Variants in CDC40 observed in about 807,000 individuals in gnomAD.
The protein encoded by CDC40 is pre-mRNA-processing factor 17.
CDC40 carries 27 observed loss-of-function variants against 80.6 expected under a neutral mutation model. The ratio of observed to expected loss-of-function variants is 0.33; its 90% CI spans 0.25 to 0.46. The LOEUF is 0.46. CDC40 is among the 20% of genes least tolerant of loss of function. CDC40 has a pLI of 1.00. For missense variants in CDC40, 486 were observed against 694.1 expected (o/e 0.70, Z 3.37); for synonymous variants, 221 against 232.6 (o/e 0.95, Z 0.45).
intron 12 of CDC40, among the ~76,000 whole-genome samples, chr6:110,220,593 C>T (rs6917918): frequency 0.24 from 35,631 of 151,586 alleles, 5,124 homozygotes; most frequent in African/African-American, 0.4. Flanking sequence ...TACAGGCGCC[C>T]GCCACCACGC....
intron 12 of CDC40, among the ~76,000 whole-genome samples, chr6:110,220,677 C>T (rs1007321589): frequency 1.6e-3 from 250 of 152,204 alleles, no homozygotes; most frequent in African/African-American, 2.5e-3. Flanking sequence ...GATTTCCTGA[C>T]CTTATGATCC....
intron 1 of CDC40, among the ~76,000 whole-genome samples, chr6:110,189,882 C>T (rs1777321771): frequency 6.6e-6 from 1 of 152,208 alleles, no homozygotes; most frequent in Non-Finnish European, 1.5e-5. Context: ...TACACCTCTG[C>T]CTCTTGCAGC....
rs147562405 is a variant in CDC40 at position 110,183,552 on chromosome 6, G to A, written c.189+2919G>A. Among the ~76,000 whole-genome samples the A allele has an allele frequency of 1.3e-3, 197 of 152,262 alleles. 2 individuals carry two copies. The East Asian group carries it at 0.034, about 26-fold the overall frequency. On this transcript the variant is annotated intron_variant, in intron 1 of 14. Coordinates refer to ENST00000307731, the MANE Select transcript of CDC40 (RefSeq NM_015891.3). ...CCAGTGGTCTGGGTTCTATGAGAGC[G>A]TAGAGGGCATTGCTCATTGTTGGTT... is the stretch of plus-strand genomic sequence containing the variant.
chr6:110,196,224 C>A (rs1490237695), intron 2 of CDC40, among the ~76,000 whole-genome samples: 1 of 152,178 alleles, frequency 6.6e-6, no homozygotes, highest in African/African-American at 2.4e-5. Context: ...AATTGGAAGA[C>A]CAGTTTGAAG....
chr6:110,211,992 A>G, intron 6 of CDC40, 141 bp from the exon 7 acceptor site: 1 of 638,188 alleles, frequency 1.6e-6, no homozygotes, highest in East Asian at 2.7e-5. Flanking sequence ...CTGACTCATG[A>G]TCTTGACATC....
intron 2 of CDC40, among the ~76,000 whole-genome samples, chr6:110,195,751 T>C (rs1470870363): frequency 1.3e-5 from 2 of 152,094 alleles, no homozygotes; most frequent in African/African-American, 4.8e-5. Context: ...ATGAGCCGAA[T>C]CATAAAAGAT....
At position 110,212,127 on chromosome 6, in the gene CDC40, T is replaced by C; in HGVS notation, c.728-6T>C. The C allele has an allele frequency of 6.2e-7, 1 of 1,609,290 alleles. No homozygotes were observed. The highest frequency in any genetic ancestry group is 1.1e-5 in the South Asian group (1 of 90,008). On this transcript the variant is annotated splice_region_variant and splice_polypyrimidine_tract_variant and intron_variant, in intron 6 of 14. Coordinates refer to ENST00000307731, the MANE Select transcript of CDC40 (RefSeq NM_015891.3). The stretch of plus-strand genomic sequence containing the variant: ...TTTATTGATTTTCTTTGCCTTTTTG[T>C]TTCAGTTAAAGAAATGTATGACTAT...
chr6:110,219,995 C>A, intron 12 of CDC40, 126 bp downstream of exon 12: 1 of 892,430 alleles, frequency 1.1e-6, no homozygotes, highest in Non-Finnish European at 1.7e-6. Flanking sequence ...CCTGGCTTGC[C>A]AATCAAACTG....
intron 1 of CDC40, among the ~76,000 whole-genome samples, chr6:110,181,770 C>G (rs781233362): frequency 3.3e-5 from 5 of 152,164 alleles, no homozygotes; most frequent in Non-Finnish European, 5.9e-5. Context: ...TCTTGGGAAA[C>G]TACTGTCTGT....
rs188319314 is a variant in CDC40, at chr6:110,184,275, G to C, written c.189+3642G>C. ...CTATATACAGTTTAGAATTAAGTTG[G>C]AAAGTTCTGCTAATACCCAGTTGGG... On this transcript the variant is annotated intron_variant, in intron 1 of 14. Transcript: ENST00000307731. 1.8e-3 allele frequency among the ~76,000 whole-genome samples: 275 copies of C among 152,238 alleles called. 2 individuals are homozygous for C. The highest frequency in any genetic ancestry group is 6.4e-3 in the African/African-American group (266 of 41,554).
intron 2 of CDC40, among the ~76,000 whole-genome samples, chr6:110,200,843 C>T (rs1777485214): frequency 6.6e-6 from 1 of 152,284 alleles, no homozygotes; most frequent in African/African-American, 2.4e-5. Flanking sequence ...ATTCTGGAAA[C>T]TCAAAAGTAT....
chr6:110,193,306 G>A, intron 2 of CDC40, 38 bp downstream of exon 2: 1 of 1,203,258 alleles, frequency 8.3e-7, no homozygotes, highest in Non-Finnish European at 1.2e-6. Flanking sequence ...TTTTGCTAAA[G>A]AATTTAAATC....
intron 2 of CDC40, among the ~76,000 whole-genome samples, chr6:110,199,363 A>G (rs4343947): frequency 0.33 from 49,450 of 151,780 alleles, 9,838 homozygotes; most frequent in Non-Finnish European, 0.45. Flanking sequence ...TGGGAGGCAG[A>G]GGCGGGCGGA....
intron 14 of CDC40, 142 bp downstream of exon 14, chr6:110,229,118 G>A: frequency 1.3e-6 from 1 of 781,726 alleles, no homozygotes; most frequent in Non-Finnish European, 2.0e-6. Context: ...TCAAAATGCT[G>A]GATATAAAGG....
At chr6:110,190,020 CA>C (rs1777323317) in intron 1 of CDC40, among the ~76,000 whole-genome samples, 1 of 152,148 alleles carries the variant, frequency 6.6e-6, no homozygotes, top group Non-Finnish European at 1.5e-5. Flanking sequence ...TTTCTGTCTT[CA>C]ATTTAATTTA....
At chr6:110,209,332 A>G (rs748810909) in intron 5 of CDC40, 109 bp downstream of exon 5, 4 of 927,890 alleles carry the variant, frequency 4.3e-6, no homozygotes, top group Non-Finnish European at 6.6e-6. Context: ...TGACTCATCA[A>G]AATTTTTCTG....
At chr6:110,216,389 C>G (rs985938611) in intron 9 of CDC40, among the ~76,000 whole-genome samples, 1 of 152,178 alleles carries the variant, frequency 6.6e-6, no homozygotes, top group Non-Finnish European at 1.5e-5. Context: ...TAAGGCCTCC[C>G]TGCACAAATT....
intron 4 of CDC40, 79 bp downstream of exon 4, chr6:110,207,668 C>G: frequency 1.3e-6 from 1 of 780,704 alleles, no homozygotes; most frequent in Non-Finnish European, 2.2e-6. Flanking sequence ...TTTAATTAGA[C>G]AGTAAAAAAT....
intron 3 of CDC40, 21 bp from the exon 4 acceptor site, chr6:110,207,481 ATAAT>A: frequency 8.2e-7 from 1 of 1,224,750 alleles, no homozygotes; most frequent in Non-Finnish European, 1.2e-6. Context: ...AATGGAGTTA[ATAAT>A]TTTCACTTTT....
Sources: allele counts gnomAD v4.1 joint callset (sites outside exome capture counted in the v4.1 genomes callset), GRCh38; gene constraint gnomAD v4.1.1; transcripts MANE v1.5; gene names NCBI Gene and HGNC (gene_info 2026-07-23, HGNC 2026-07-21).